The following KCNH5 variants were observed in gnomAD, a reference collection of about 807,000 sequenced individuals.
The protein encoded by KCNH5 is voltage-gated delayed rectifier potassium channel KCNH5.
A neutral mutation model predicts 96.1 loss-of-function variants in KCNH5; 46 were observed. That is an observed-to-expected ratio of 0.48 (90% CI 0.38 to 0.61). KCNH5 has a LOEUF of 0.61. Ranked by LOEUF, KCNH5 falls within the 20% of genes least tolerant of loss-of-function variation. The probability of loss-of-function intolerance (pLI) is 0.00; values close to 1 mark genes in which losing one functional copy is unlikely to be tolerated. For synonymous variants in KCNH5, 439 were observed against 449.8 expected, an observed-to-expected ratio of 0.98 and a Z score of 0.30; for missense variants, 907 against 1,225.8, an observed-to-expected ratio of 0.74 and a Z score of 3.88.
chr14:62,774,887 G>A (rs2139970102), intron 10 of KCNH5, among the ~76,000 whole-genome samples: 1 of 152,264 alleles, frequency 6.6e-6, no homozygotes, highest in East Asian at 1.9e-4. Flanking sequence ...TTAATCTCCA[G>A]TAGTCTGGCA....
intron 6 of KCNH5, among the ~76,000 whole-genome samples, chr14:62,962,036 C>T (rs1245442065): frequency 1.3e-5 from 2 of 148,926 alleles, no homozygotes; most frequent in South Asian, 2.1e-4. Flanking sequence ...GATGCAGATG[C>T]AGATGGAGAC....
rs1042007816 is a variant in KCNH5 at position 62,699,904 on chromosome 14, G to A, written c.*7604C>T. ...GCCAACAAGTACTGCTTAGCATAAT[G>A]GTATTAAAAACATCCCACATGAAAT... On this transcript the variant is annotated 3_prime_UTR_variant, in exon 11 of 11. Transcript: ENST00000322893. 1.3e-5 allele frequency: 2 copies of A among 152,060 alleles called. No homozygotes were observed. The highest frequency in any genetic ancestry group is 2.9e-5 in the Non-Finnish European group (2 of 68,006). The allele number at this position is 152,060 out of a possible 1,614,324, so 9.4% of individuals were successfully genotyped here. A position where few individuals can be genotyped will look rare whatever the true frequency, so the allele number is the denominator to read the frequency against.
intron 6 of KCNH5, among the ~76,000 whole-genome samples, chr14:62,951,680 G>C (rs1307629087): frequency 6.6e-6 from 1 of 152,150 alleles, no homozygotes; most frequent in Non-Finnish European, 1.5e-5. Context: ...GAAACAGTTG[G>C]CAGGGCACAG....
chr14:62,708,649 T>C (rs1221834138), intron 10 of KCNH5, among the ~76,000 whole-genome samples, 194 bp from the exon 11 acceptor site: 4 of 152,202 alleles, frequency 2.6e-5, no homozygotes, highest in African/African-American at 9.6e-5. Flanking sequence ...CAATATGGCT[T>C]AAACCCAACA....
chr14:62,882,097 T>A (rs1213471686), intron 7 of KCNH5, among the ~76,000 whole-genome samples: 2 of 87,314 alleles, frequency 2.3e-5, no homozygotes, highest in African/African-American at 1.1e-4. Flanking sequence ...AAACCCCATT[T>A]CTTAAAAAAA....
At chr14:63,004,398 A>C (rs1231388899) in intron 3 of KCNH5, among the ~76,000 whole-genome samples, 1 of 152,206 alleles carries the variant, frequency 6.6e-6, no homozygotes, top group Non-Finnish European at 1.5e-5. Context: ...TGGGGTATAT[A>C]TCCCATTGGC....
At chr14:62,922,065 T>C (rs1167139001) in intron 7 of KCNH5, among the ~76,000 whole-genome samples, 1 of 152,160 alleles carries the variant, frequency 6.6e-6, no homozygotes, top group Non-Finnish European at 1.5e-5. Flanking sequence ...TATCCTATGA[T>C]ATAATAATGC....
intron 7 of KCNH5, among the ~76,000 whole-genome samples, chr14:62,896,064 C>T (rs1048458521): frequency 6.6e-6 from 1 of 152,142 alleles, no homozygotes; most frequent in South Asian, 2.1e-4. Context: ...GTGTTTTCAA[C>T]CCAATAGTCC....
At chr14:63,035,768 CT>C (rs1891710346) in intron 1 of KCNH5, among the ~76,000 whole-genome samples, 1 of 152,178 alleles carries the variant, frequency 6.6e-6, no homozygotes, top group Non-Finnish European at 1.5e-5. Context: ...TTCTCAACTA[CT>C]TAATTTCTTG....
At chr14:62,768,332 C>T (rs1885909578) in intron 10 of KCNH5, among the ~76,000 whole-genome samples, 1 of 152,108 alleles carries the variant, frequency 6.6e-6, no homozygotes, top group South Asian at 2.1e-4. Context: ...GAAAATAATA[C>T]ACACATTTAA....
At chr14:62,708,911 TC>T (rs1884503747) in intron 10 of KCNH5, among the ~76,000 whole-genome samples, 1 of 152,264 alleles carries the variant, frequency 6.6e-6, no homozygotes, top group African/African-American at 2.4e-5. Flanking sequence ...TGTATGATTT[TC>T]CTTATTGTGT....
intron 7 of KCNH5, among the ~76,000 whole-genome samples, chr14:62,884,672 T>C (rs185200801): frequency 4.1e-4 from 62 of 152,192 alleles, no homozygotes; most frequent in African/African-American, 1.4e-3. Context: ...GTATACAGCT[T>C]TGAGATATGT....
intron 10 of KCNH5, among the ~76,000 whole-genome samples, chr14:62,776,480 C>T (rs960401427): frequency 1.3e-5 from 2 of 152,258 alleles, no homozygotes; most frequent in South Asian, 4.2e-4. Context: ...CACTTCCCAG[C>T]CTCCAGAACT....
chr14:62,970,865 T>A (rs1224623057), intron 6 of KCNH5, among the ~76,000 whole-genome samples: 1 of 145,296 alleles, frequency 6.9e-6, no homozygotes, highest in East Asian at 1.9e-4. Flanking sequence ...ATAAAGAACA[T>A]CTACCAAAAA....
intron 9 of KCNH5, among the ~76,000 whole-genome samples, chr14:62,790,854 T>C (rs1886419596): frequency 6.6e-6 from 1 of 151,890 alleles, no homozygotes; most frequent in Admixed American, 6.6e-5. Flanking sequence ...ATTTATTTAT[T>C]AGTTCTAATG....
At chr14:62,808,262 A>G (rs973910952) in intron 8 of KCNH5, among the ~76,000 whole-genome samples, 4 of 152,158 alleles carry the variant, frequency 2.6e-5, no homozygotes, top group Non-Finnish European at 5.9e-5. Context: ...TAAGTTAGAT[A>G]GAATAAAGCT....
At chr14:63,001,082 A>C (rs1891001943) in intron 4 of KCNH5, among the ~76,000 whole-genome samples, 1 of 152,178 alleles carries the variant, frequency 6.6e-6, no homozygotes. Context: ...CTAAAAGACA[A>C]ACAAAAAAAA....
chr14:62,743,240 C>T (rs898763111), intron 10 of KCNH5, among the ~76,000 whole-genome samples: 9 of 152,022 alleles, frequency 5.9e-5, no homozygotes, highest in African/African-American at 2.2e-4. Flanking sequence ...TGGGCCTCAC[C>T]CCTAGAGATT....
chr14:62,954,058 T>G (rs1055916409), intron 6 of KCNH5, among the ~76,000 whole-genome samples: 2 of 152,192 alleles, frequency 1.3e-5, no homozygotes, highest in African/African-American at 2.4e-5. Flanking sequence ...CCTCCACCTG[T>G]TCTCTAGGCT....
Sources: gnomAD v4.1 joint callset for allele counts (sites outside exome capture counted in the v4.1 genomes callset) on GRCh38, gnomAD v4.1.1 for gene constraint, MANE v1.5 for transcripts, NCBI Gene and HGNC (gene_info 2026-07-23, HGNC 2026-07-21) for gene names.